CC2D2A: variants seen among roughly 807,000 people sequenced by gnomAD.
CC2D2A encodes the protein coiled-coil and C2 domain containing 2A, also known as coiled-coil and C2 domain-containing protein 2A.
Under a neutral mutation model 212.9 loss-of-function variants are expected in CC2D2A, and 155 were observed. The ratio of observed to expected loss-of-function variants is 0.73; its 90% CI spans 0.64 to 0.83. The LOEUF (loss-of-function observed/expected upper bound fraction) is 0.83. Ranked by LOEUF, CC2D2A falls within the 40% of genes least tolerant of loss-of-function variation. The pLI is 0.00. For missense variants in CC2D2A, 1,856 were observed against 1,956.2 expected (o/e 0.95, Z 0.97); for synonymous variants, 667 against 686.5 (o/e 0.97, Z 0.44).
chr4:15,536,280 G>A (rs1017412100), intron 14 of CC2D2A, among the ~76,000 whole-genome samples: 12 of 150,972 alleles, frequency 7.9e-5, no homozygotes, highest in Admixed American at 1.3e-4. Context: ...GACACAGGGC[G>A]GGGAACATCA....
At chr4:15,543,207 T>A (rs1718548580) in intron 17 of CC2D2A, among the ~76,000 whole-genome samples, 1 of 152,228 alleles carries the variant, frequency 6.6e-6, no homozygotes, top group Non-Finnish European at 1.5e-5. Context: ...AGGATTGATA[T>A]CTGCATAGCT....
At chr4:15,492,343 A>T (rs1020537060) in intron 4 of CC2D2A, among the ~76,000 whole-genome samples, 15 of 152,142 alleles carry the variant, frequency 9.9e-5, no homozygotes, top group Admixed American at 9.2e-4. Flanking sequence ...AGAATATTGC[A>T]GTAGCCTCCT....
intron 21 of CC2D2A, 116 bp from the exon 22 acceptor site, chr4:15,559,049 G>A: frequency 2.8e-6 from 2 of 711,198 alleles, no homozygotes; most frequent in Non-Finnish European, 4.7e-6. Context: ...GGAAGAAGGT[G>A]GAAGAAATAT....
At chr4:15,576,866 T>A (rs960403073) in intron 29 of CC2D2A, among the ~76,000 whole-genome samples, 32 of 152,262 alleles carry the variant, frequency 2.1e-4, no homozygotes, top group Non-Finnish European at 2.9e-5. Context: ...AGTCTGAATG[T>A]CACCTGCATA....
intron 19 of CC2D2A, 99 bp downstream of exon 19, chr4:15,553,404 A>G (rs1343317966): frequency 7.6e-7 from 1 of 1,314,674 alleles, no homozygotes; most frequent in Non-Finnish European, 1.0e-6. Flanking sequence ...CTTTCCTTTT[A>G]TTGTCAGGTG....
chr4:15,500,694 G>C (rs1715900107), intron 4 of CC2D2A, among the ~76,000 whole-genome samples: 1 of 152,170 alleles, frequency 6.6e-6, no homozygotes, highest in Admixed American at 6.5e-5. Context: ...TTTGAGGCTG[G>C]TGACTGTTGT....
chr4:15,480,706 A>G lies in CC2D2A; in HGVS notation c.126A>G (p.Pro42=). ...AACCTCTGACCTTCTTCCTCCAGCCACCAACTGCTGTCCCCAAGGAAATGG... is the reference window on the plus strand; with the variant it reads ...AACCTCTGACCTTCTTCCTCCAGCCGCCAACTGCTGTCCCCAAGGAAATGG... The part of the protein sequence containing the change: ...KVRRQPRKKQ[P]PTAVPKEMVS... The change falls in exon 4 of 37, where the codon CCA becomes CCG. Residue 42 remains proline (P), a splice_region_variant and synonymous_variant. Coordinates refer to ENST00000424120, the MANE Select transcript of CC2D2A (RefSeq NM_001378615.1). 6.2e-7 allele frequency: 1 copy of G among 1,609,674 alleles called. No homozygotes were observed. The highest frequency in any genetic ancestry group is 2.2e-5 in the East Asian group (1 of 44,660).
chr4:15,572,155 A>T (rs1043885207), intron 28 of CC2D2A, among the ~76,000 whole-genome samples: 1 of 152,196 alleles, frequency 6.6e-6, no homozygotes, highest in African/African-American at 2.4e-5. Context: ...GGTGCATATT[A>T]TATGTTATTG....
At chr4:15,584,227 TG>T (rs1222157267) in intron 30 of CC2D2A, among the ~76,000 whole-genome samples, 5 of 152,092 alleles carry the variant, frequency 3.3e-5, no homozygotes, top group African/African-American at 4.8e-5. Context: ...AACAAAGAAC[TG>T]GAAGTATCAC....
At chr4:15,524,192 G>A (rs1410766453) in intron 11 of CC2D2A, among the ~76,000 whole-genome samples, 6 of 150,426 alleles carry the variant, frequency 4.0e-5, no homozygotes, top group East Asian at 2.0e-4. Context: ...GGAGTGCAGT[G>A]GTGTAATCTC....
Position 15,557,313 on chromosome 4 carries a change from A to T in CC2D2A, c.2635A>T (p.Ser879Cys). The T allele has an allele frequency of 6.2e-7, 1 of 1,609,234 alleles. No homozygotes were observed. The highest frequency in any genetic ancestry group is 2.2e-5 in the East Asian group (1 of 44,774). The change falls in exon 21 of 37, where the codon AGT (serine) becomes TGT (cysteine). Residue 879 changes from serine to cysteine, a missense_variant. Ser to Cys is a moderately radical substitution (Grantham distance 112, BLOSUM62 -1). This residue lies in a region of CC2D2A where 1,512 missense variants were observed against 1,579.3 expected (regional missense o/e 0.96). Coordinates refer to ENST00000424120, the MANE Select transcript of CC2D2A (RefSeq NM_001378615.1). ...TTTCCGTTTTTTATAGGTTGCTACC[A>T]GTGGTGAATCCTATGTCCCTGATTT... Reference protein sequence around the residue: ...PLMQLISVATSGESYVPDFFR... With the variant: ...PLMQLISVATCGESYVPDFFR...
At position 15,476,936 on chromosome 4, in the gene CC2D2A, AGAT is replaced by A. The variant is rs1351034390; in HGVS notation, c.39+969_39+971del. Among the ~76,000 whole-genome samples the A allele has an allele frequency of 3.3e-5, 5 of 152,202 alleles. No homozygotes were observed. In the South Asian group the frequency reaches 6.2e-4, roughly 19 times the overall value. ...CTTGAGACAACAAAGACAGAAATGG[AGAT>A]GATATGTGCTGTCCAATGCAGTCCT... is the stretch of plus-strand genomic sequence containing the variant. On this transcript the variant is annotated intron_variant, in intron 2 of 36. Coordinates refer to ENST00000424120, the MANE Select transcript of CC2D2A (RefSeq NM_001378615.1).
At chr4:15,596,275 G>A (rs960737888) in intron 34 of CC2D2A, 68 bp downstream of exon 34, 1 of 1,377,290 alleles carries the variant, frequency 7.3e-7, no homozygotes, top group East Asian at 2.6e-5. Flanking sequence ...TGGGTTACAA[G>A]ATATTTTTTA....
chr4:15,475,910 G>T lies in CC2D2A; in HGVS notation c.-18-5G>T. 2 of 1,575,598 alleles carry T rather than the reference G, an allele frequency of 1.3e-6. No individual in the cohort carries two copies. Among genetic ancestry groups the T allele is most frequent in the Non-Finnish European group, 1.7e-6 (2 of 1,159,078 alleles). ...ATGCCTGACTTCTTCATTGTTCTTTGTCAGGGACCCATCCCAGCCAAAATG... is the reference window on the plus strand; with the variant it reads ...ATGCCTGACTTCTTCATTGTTCTTTTTCAGGGACCCATCCCAGCCAAAATG... On this transcript the variant is annotated splice_polypyrimidine_tract_variant and splice_region_variant and intron_variant, in intron 1 of 36. Transcript: ENST00000424120.
intron 21 of CC2D2A, among the ~76,000 whole-genome samples, chr4:15,557,889 A>G (rs930418898): frequency 6.6e-6 from 1 of 152,224 alleles, no homozygotes; most frequent in African/African-American, 2.4e-5. Context: ...AGTATGTACT[A>G]AGTGTCATGT....
Position 15,563,422 on chromosome 4 carries a change from C to T in CC2D2A, c.3082C>T (p.Arg1028Trp), listed in dbSNP as rs770004990. The T allele has an allele frequency of 3.9e-5, 63 of 1,609,774 alleles. No homozygotes were observed. Among genetic ancestry groups the T allele is most frequent in the Middle Eastern group, 1.6e-4 (1 of 6,082 alleles). ...KRPLRPRRKGRKKVTAQNLSD... is the reference protein window; with the variant it reads ...KRPLRPRRKGWKKVTAQNLSD... ...ACCACTGCGGCCAAGGAGAAAAGGTCGGAAGAAGGTGACAGCCCAAAACCT... is the reference window on the plus strand; with the variant it reads ...ACCACTGCGGCCAAGGAGAAAAGGTTGGAAGAAGGTGACAGCCCAAAACCT... Residue 1028 changes from arginine to tryptophan, a missense_variant, in exon 24 of 37, where the codon CGG becomes TGG. Arg to Trp is a moderately radical substitution (Grantham distance 101). This residue lies in a region of CC2D2A where 1,512 missense variants were observed against 1,579.3 expected (regional missense o/e 0.96). Transcript: ENST00000424120.
At chr4:15,562,126 T>C (rs1719634669) in intron 23 of CC2D2A, among the ~76,000 whole-genome samples, 1 of 152,222 alleles carries the variant, frequency 6.6e-6, no homozygotes, top group Non-Finnish European at 1.5e-5. Context: ...ATCCTGGAAC[T>C]TCCTTGGGTT....
At chr4:15,560,405 A>G (rs1198284868) in intron 22 of CC2D2A, 126 bp from the exon 23 acceptor site, 10 of 567,706 alleles carry the variant, frequency 1.8e-5, no homozygotes. Context: ...TTGCAGAGGA[A>G]AGTAACAGTT....
At chr4:15,525,339 C>A (rs1219896520) in intron 11 of CC2D2A, among the ~76,000 whole-genome samples, 17 of 152,132 alleles carry the variant, frequency 1.1e-4, no homozygotes, top group African/African-American at 3.9e-4. Flanking sequence ...AGCTGCAAAG[C>A]AATTAGAGAG....
Sources: allele counts gnomAD v4.1 joint callset (sites outside exome capture counted in the v4.1 genomes callset), GRCh38; gene constraint gnomAD v4.1.1; regional missense constraint gnomAD v4.1.1; transcripts MANE v1.5; gene names NCBI Gene and HGNC (gene_info 2026-07-23, HGNC 2026-07-21).